The following SMOX variants were observed in gnomAD, a reference collection of about 807,000 sequenced individuals.
SMOX encodes spermine oxidase.
SMOX carries 22 observed loss-of-function variants against 51.0 expected under a neutral mutation model. The ratio of observed to expected loss-of-function variants is 0.43; its 90% CI spans 0.31 to 0.62. The LOEUF is 0.62. Ranked by LOEUF, SMOX falls within the 20% of genes least tolerant of loss-of-function variation. The probability of loss-of-function intolerance (pLI) is 0.10; values close to 1 mark genes in which losing one functional copy is unlikely to be tolerated. For missense variants in SMOX, 566 were observed against 777.7 expected, an observed-to-expected ratio of 0.73 and a Z score of 3.24; for synonymous variants, 282 against 307.8, an observed-to-expected ratio of 0.92 and a Z score of 0.88.
chr20:4,169,231 G>A (rs1986716687), intron 1 of SMOX, among the ~76,000 whole-genome samples: 1 of 152,080 alleles, frequency 6.6e-6, no homozygotes, highest in Non-Finnish European at 1.5e-5. Flanking sequence ...CTTAACTCCT[G>A]AGCTCAAGTG....
chr20:4,154,777 G>A (rs1392468377), intron 1 of SMOX, among the ~76,000 whole-genome samples: 1 of 151,966 alleles, frequency 6.6e-6, no homozygotes, highest in Admixed American at 6.6e-5. Context: ...AGTTCAGGTG[G>A]GTGGAACAGG....
At position 4,181,917 on chromosome 20, in the gene SMOX, C is replaced by A. The variant is rs749239484; in HGVS notation, c.550C>A (p.Pro184Thr). The change falls in exon 4 of 7, where the codon CCT (proline) becomes ACT (threonine). Residue 184 changes from proline (P) to threonine (T), a missense_variant. This residue lies in a region of SMOX where 217 missense variants were observed against 278.4 expected (regional missense o/e 0.78). Coordinates refer to ENST00000305958, the MANE Select transcript of SMOX (RefSeq NM_175839.3). This position sits in a 1 kb window ranked among gnomAD's most constrained non-coding sequence, Gnocchi z 5.6. ...GGTGCGTAACCGCATCAGGAATGACCCTGACGACCCAGAGGCTACCAAGCG... is the reference window on the plus strand; with the variant it reads ...GGTGCGTAACCGCATCAGGAATGACACTGACGACCCAGAGGCTACCAAGCG... Reference protein sequence around the residue: ...EEVRNRIRNDPDDPEATKRLK... With the variant: ...EEVRNRIRNDTDDPEATKRLK... 1 of 1,614,118 alleles carries A rather than the reference C, an allele frequency of 6.2e-7. No homozygotes were observed. Among genetic ancestry groups the A allele is most frequent in the Admixed American group, 1.7e-5 (1 of 60,012 alleles).
At chr20:4,155,912 C>T (rs1007576257) in intron 1 of SMOX, among the ~76,000 whole-genome samples, 15 of 152,128 alleles carry the variant, frequency 9.9e-5, no homozygotes, top group Non-Finnish European at 1.8e-4. Context: ...GACTGGCTCT[C>T]AGTCTGAGCT....
Position 4,184,775 on chromosome 20 carries a change from C to A in SMOX, c.1530+1121C>A, listed in dbSNP as rs114040489. Among the ~76,000 whole-genome samples, 1,327 of 152,312 alleles carry A rather than the reference C, an allele frequency of 8.7e-3. 25 individuals are homozygous for A. The highest frequency in any genetic ancestry group is 0.031 in the African/African-American group (1,271 of 41,558). On this transcript the variant is annotated intron_variant, in intron 6 of 6. Transcript: ENST00000305958. ...ACAGCCATCCTCCTAAAAAGCAAAT[C>A]TTCTCTTTTCACTTGCATCAGTTAG...
intron 2 of SMOX, among the ~76,000 whole-genome samples, 155 bp downstream of exon 2, chr20:4,175,418 C>T (rs999764817): frequency 3.3e-5 from 5 of 152,296 alleles, no homozygotes; most frequent in African/African-American, 7.2e-5. Flanking sequence ...CTTCGCTCCT[C>T]GTGGCAGCCC....
rs951774611 is a variant in SMOX, at chr20:4,149,197, G to C, written c.-27+220G>C. On this transcript the variant is annotated intron_variant, in intron 1 of 6. Transcript: ENST00000305958. The surrounding 1 kb of genome is among the most constrained non-coding windows in gnomAD (Gnocchi z 6.0). ...GGAGCAGGGGGCGCCGCGCCCCCCT[G>C]GCTTCCGCCGGGGTAAGCAGTGGTG... Among the ~76,000 whole-genome samples, 1 of 149,960 alleles carries C rather than the reference G, an allele frequency of 6.7e-6. No homozygotes were observed. Among genetic ancestry groups the C allele is most frequent in the Admixed American group, 6.6e-5 (1 of 15,100 alleles).
In SMOX at chr20:4,155,370, G is replaced by A. The variant is rs369692342; in HGVS notation, c.-27+6393G>A. On this transcript the variant is annotated intron_variant, in intron 1 of 6. Transcript: ENST00000305958. ...ACTGATGGTTACATGAGCTGCTGTCGGGGGTCTTATCCCACTCTGGCCACC... is the reference window on the plus strand; with the variant it reads ...ACTGATGGTTACATGAGCTGCTGTCAGGGGTCTTATCCCACTCTGGCCACC... 4.6e-5 allele frequency among the ~76,000 whole-genome samples: 7 copies of A among 152,202 alleles called. No homozygotes were observed. The East Asian group carries it at 9.7e-4, about 21-fold the overall frequency.
At chr20:4,154,513 C>T (rs1270265636) in intron 1 of SMOX, among the ~76,000 whole-genome samples, 1 of 152,046 alleles carries the variant, frequency 6.6e-6, no homozygotes, top group Non-Finnish European at 1.5e-5. Context: ...GTAGCAGTAG[C>T]TGGGATTACA....
At chr20:4,165,615 A>T (rs1259073191) in intron 1 of SMOX, among the ~76,000 whole-genome samples, 1 of 152,210 alleles carries the variant, frequency 6.6e-6, no homozygotes, top group African/African-American at 2.4e-5. Context: ...CCTAAGGGCC[A>T]CTAAAGGGAG....
rs1979368187 is a variant in SMOX, at chr20:4,182,073, T to C, written c.610-16T>C. On this transcript the variant is annotated splice_polypyrimidine_tract_variant and intron_variant, in intron 4 of 6. Coordinates refer to ENST00000305958, the MANE Select transcript of SMOX (RefSeq NM_175839.3). This position sits in a 1 kb window ranked among gnomAD's most constrained non-coding sequence, Gnocchi z 8.4. ...ACCCCGGCGGTCACCTGGCTTCTCC[T>C]TGGGTCTTCCCGCAGGTGGAGAGCT... 6.3e-7 allele frequency: 1 copy of C among 1,586,160 alleles called. No individual in the cohort carries two copies. Among genetic ancestry groups the C allele is most frequent in the Non-Finnish European group, 8.6e-7 (1 of 1,163,820 alleles).
intron 1 of SMOX, among the ~76,000 whole-genome samples, chr20:4,161,572 G>T (rs774804830): frequency 6.6e-6 from 1 of 152,136 alleles, no homozygotes; most frequent in Non-Finnish European, 1.5e-5. Flanking sequence ...TGCTGATGTG[G>T]CCCTTGCCCT....
At chr20:4,176,963 G>T (rs1978904804) in intron 2 of SMOX, among the ~76,000 whole-genome samples, 1 of 152,174 alleles carries the variant, frequency 6.6e-6, no homozygotes, top group Non-Finnish European at 1.5e-5. Context: ...GGATGTTGAA[G>T]AATTGAAAAA....
chr20:4,153,251 C>T lies in SMOX; in HGVS notation c.-27+4274C>T, dbSNP rs1235577296. On this transcript the variant is annotated intron_variant, in intron 1 of 6. Coordinates refer to ENST00000305958, the MANE Select transcript of SMOX (RefSeq NM_175839.3). This position sits in a 1 kb window ranked among gnomAD's most constrained non-coding sequence, Gnocchi z 4.4. ...CTTCTGGTTCAGCTACCGCTTTCTG[C>T]CTGAGATGCCATCATTAGAATGTCA... Among the ~76,000 whole-genome samples the T allele has an allele frequency of 6.6e-6, 1 of 152,214 alleles. No homozygotes were observed. The highest frequency in any genetic ancestry group is 1.5e-5 in the Non-Finnish European group (1 of 68,034).
chr20:4,170,052 C>T lies in SMOX; in HGVS notation c.-26-4978C>T, dbSNP rs1232511612. ...TACATAGTAGGTGCTCAGTGAATTG[C>T]TAAATTATATTCCCTGGCCAGCGAG... On this transcript the variant is annotated intron_variant, in intron 1 of 6. Coordinates refer to ENST00000305958, the MANE Select transcript of SMOX (RefSeq NM_175839.3). The surrounding 1 kb of genome is among the most constrained non-coding windows in gnomAD (Gnocchi z 4.6). 1.3e-5 allele frequency among the ~76,000 whole-genome samples: 2 copies of T among 151,762 alleles called. No homozygotes were observed. Among genetic ancestry groups the T allele is most frequent in the East Asian group, 1.9e-4 (1 of 5,174 alleles).
intron 1 of SMOX, among the ~76,000 whole-genome samples, chr20:4,161,535 C>T (rs1411493167): frequency 1.3e-5 from 2 of 152,206 alleles, no homozygotes; most frequent in Non-Finnish European, 2.9e-5. Flanking sequence ...TTTGTCCCAG[C>T]GGTGTCATGC....
Position 4,183,372 on chromosome 20 carries a change from C to G in SMOX, c.1370-122C>G. On this transcript the variant is annotated intron_variant, in intron 5 of 6. Transcript: ENST00000305958. The surrounding 1 kb of genome is among the most constrained non-coding windows in gnomAD (Gnocchi z 4.3). ...TCCTCTTCTATCCTCCGTGCCTACCCCTGGCAGTCTGGTCCTCCCGGAGCC... is the reference window on the plus strand; with the variant it reads ...TCCTCTTCTATCCTCCGTGCCTACCGCTGGCAGTCTGGTCCTCCCGGAGCC... The G allele has an allele frequency of 6.9e-7, 1 of 1,439,300 alleles. No homozygotes were observed. Among genetic ancestry groups the G allele is most frequent in the Non-Finnish European group, 9.7e-7 (1 of 1,029,168 alleles). The allele number at this position is 1,439,300 out of a possible 1,614,324, so 89.2% of individuals were successfully genotyped here.
chr20:4,172,844 C>T lies in SMOX; in HGVS notation c.-26-2186C>T, dbSNP rs1315914905. 6.6e-6 allele frequency among the ~76,000 whole-genome samples: 1 copy of T among 151,552 alleles called. No homozygotes were observed. Among genetic ancestry groups the T allele is most frequent in the African/African-American group, 2.4e-5 (1 of 41,184 alleles). On this transcript the variant is annotated intron_variant, in intron 1 of 6. Coordinates refer to ENST00000305958, the MANE Select transcript of SMOX (RefSeq NM_175839.3). This position sits in a 1 kb window ranked among gnomAD's most constrained non-coding sequence, Gnocchi z 7.7. ...GGTGGAGGGAGGATTCCCGTCCAGG[C>T]CCAGGCATCGCGGGGGCAGGTGCAA...
At chr20:4,168,621 A>C (rs1394430354) in intron 1 of SMOX, among the ~76,000 whole-genome samples, 1 of 148,736 alleles carries the variant, frequency 6.7e-6, no homozygotes, top group Non-Finnish European at 1.5e-5. Flanking sequence ...CAGTGGCGCG[A>C]TCTCGACTCA....
Position 4,149,295 on chromosome 20 carries a change from A to C in SMOX, c.-27+318A>C, listed in dbSNP as rs1467896416. Among the ~76,000 whole-genome samples, 2 of 150,918 alleles carry C rather than the reference A, an allele frequency of 1.3e-5. No individual in the cohort carries two copies. Among genetic ancestry groups the C allele is most frequent in the African/African-American group, 4.9e-5 (2 of 41,188 alleles). On this transcript the variant is annotated intron_variant, in intron 1 of 6. Coordinates refer to ENST00000305958, the MANE Select transcript of SMOX (RefSeq NM_175839.3). This position sits in a 1 kb window ranked among gnomAD's most constrained non-coding sequence, Gnocchi z 6.0. ...CCGGGCGCCGGGGGTAGAGGGCCGG[A>C]CGGACCCCCGGGCTACGTGCGGGAG...
Sources: allele counts gnomAD v4.1 joint callset (sites outside exome capture counted in the v4.1 genomes callset), GRCh38; gene constraint gnomAD v4.1.1; regional missense constraint gnomAD v4.1.1; non-coding constraint Gnocchi (gnomAD v3.1); transcripts MANE v1.5; gene names NCBI Gene and HGNC (gene_info 2026-07-23, HGNC 2026-07-21).